The following BTBD9 variants were observed in gnomAD, a reference collection of about 807,000 sequenced individuals.
BTBD9 encodes the protein BTB domain containing 9, also known as BTB/POZ domain-containing protein 9.
A neutral mutation model predicts 64.3 loss-of-function variants in BTBD9; 49 were observed. The observed-to-expected ratio is 0.76, with a 90% CI of 0.61 to 0.97. The LOEUF (loss-of-function observed/expected upper bound fraction) is 0.97. BTBD9 is among the 50% of genes least tolerant of loss of function. BTBD9 has a pLI of 0.00. For synonymous variants in BTBD9, 260 were observed against 274.7 expected, an observed-to-expected ratio of 0.95 and a Z score of 0.53; for missense variants, 598 against 762.1, an observed-to-expected ratio of 0.78 and a Z score of 2.53.
chr6:38,315,343 C>CTTTTCTA lies in BTBD9; in HGVS notation c.1265-26889_1265-26883dup, dbSNP rs374680021. Among the ~76,000 whole-genome samples the CTTTTCTA allele has an allele frequency of 8.5e-4, 130 of 152,090 alleles. No individual in the cohort carries two copies. In the East Asian group the frequency reaches 0.018, roughly 21 times the overall value. On this transcript the variant is annotated intron_variant, in intron 7 of 10. Transcript: ENST00000481247. ...GAACTTTAGATTTGGTTTGCTCTTG[C>CTTTTCTA]TTTTCTAGTTCTTTAAGATAAATCA... is the stretch of plus-strand genomic sequence containing the variant.
intron 6 of BTBD9, among the ~76,000 whole-genome samples, chr6:38,492,662 T>C (rs571942223): frequency 1.7e-4 from 26 of 152,340 alleles, no homozygotes; most frequent in Non-Finnish European, 3.4e-4. Context: ...CTATTTTGTG[T>C]GTATGTATAA....
In BTBD9 at chr6:38,348,264, A is replaced by G. The variant is rs145360247; in HGVS notation, c.1155-3171T>C. ...AAAACAAAACTTGGTTCTCGGTCAT[A>G]ACACCAAAACGGGAGAAGTAGGTAT... On this transcript the variant is annotated intron_variant, in intron 6 of 10. Transcript: ENST00000481247. Among the ~76,000 whole-genome samples, 551 of 152,336 alleles carry G rather than the reference A, an allele frequency of 3.6e-3. 3 individuals carry two copies. Among genetic ancestry groups the G allele is most frequent in the African/African-American group, 0.012 (513 of 41,576 alleles).
At chr6:38,342,504 C>G (rs915607826) in intron 7 of BTBD9, among the ~76,000 whole-genome samples, 2 of 147,192 alleles carry the variant, frequency 1.4e-5, no homozygotes, top group African/African-American at 5.1e-5. Context: ...CCACTGCACT[C>G]CAGCCTGGAC....
chr6:38,222,088 G>A (rs547846748), intron 9 of BTBD9, among the ~76,000 whole-genome samples: 2 of 152,170 alleles, frequency 1.3e-5, no homozygotes, highest in Non-Finnish European at 1.5e-5. Context: ...ATTATTCATT[G>A]AAGTCCAGCC....
intron 6 of BTBD9, among the ~76,000 whole-genome samples, chr6:38,442,966 C>A (rs1293778565): frequency 6.6e-6 from 1 of 151,890 alleles, no homozygotes; most frequent in Non-Finnish European, 1.5e-5. Context: ...CCGCGCTTGG[C>A]CCATTTGTGC....
At chr6:38,540,181 C>T (rs1005552729) in intron 6 of BTBD9, among the ~76,000 whole-genome samples, 3 of 152,182 alleles carry the variant, frequency 2.0e-5, no homozygotes, top group Non-Finnish European at 4.4e-5. Context: ...CAGGACTTTT[C>T]TTCTTCTACC....
chr6:38,379,781 T>C (rs1419571791), intron 6 of BTBD9, among the ~76,000 whole-genome samples: 1 of 152,210 alleles, frequency 6.6e-6, no homozygotes, highest in Non-Finnish European at 1.5e-5. Context: ...TATATTTGCA[T>C]GACCACAGTG....
chr6:38,278,944 T>C (rs1022953003), intron 8 of BTBD9, among the ~76,000 whole-genome samples: 7 of 152,218 alleles, frequency 4.6e-5, no homozygotes, highest in African/African-American at 9.7e-5. Context: ...TCTGCATTTA[T>C]CTATGTAACC....
chr6:38,469,412 G>A (rs1770537409), intron 6 of BTBD9, among the ~76,000 whole-genome samples: 1 of 148,908 alleles, frequency 6.7e-6, no homozygotes, highest in Non-Finnish European at 1.5e-5. Context: ...TCCGCCTCCT[G>A]GGTTCCAGCA....
intron 6 of BTBD9, among the ~76,000 whole-genome samples, chr6:38,391,906 C>A (rs1415172125): frequency 6.6e-6 from 1 of 152,218 alleles, no homozygotes; most frequent in Non-Finnish European, 1.5e-5. Context: ...AAGAACTATT[C>A]ATCACTTGTG....
intron 10 of BTBD9, among the ~76,000 whole-genome samples, chr6:38,187,651 G>A (rs1761876991): frequency 6.6e-6 from 1 of 152,180 alleles, no homozygotes. Context: ...AAAGTGGAGT[G>A]TGCTGAGGAG....
At chr6:38,237,594 A>G (rs1357602291) in intron 9 of BTBD9, among the ~76,000 whole-genome samples, 1 of 152,228 alleles carries the variant, frequency 6.6e-6, no homozygotes, top group Non-Finnish European at 1.5e-5. Context: ...AAGCCATCTG[A>G]TAGGAGTAAA....
intron 7 of BTBD9, among the ~76,000 whole-genome samples, chr6:38,291,041 T>C (rs1431287711): frequency 6.6e-6 from 1 of 152,260 alleles, no homozygotes; most frequent in Admixed American, 6.5e-5. Context: ...AGATGTCTTC[T>C]TGTATTCCCA....
chr6:38,347,012 G>C (rs570155510), intron 6 of BTBD9, among the ~76,000 whole-genome samples: 1 of 152,098 alleles, frequency 6.6e-6, no homozygotes, highest in Non-Finnish European at 1.5e-5. Context: ...TCCCAATGGC[G>C]GTTCTTAAGG....
Position 38,602,478 on chromosome 6 carries a change from G to C in BTBD9, c.-27-4357C>G, listed in dbSNP as rs569463399. ...AGACAATCTACAAAACAATAGTATA[G>C]TGAAATATCTTGTTTAAAAAAATAC... On this transcript the variant is annotated intron_variant, in intron 1 of 10. Coordinates refer to ENST00000481247, the MANE Select transcript of BTBD9 (RefSeq NM_001099272.2). 2.0e-5 allele frequency among the ~76,000 whole-genome samples: 3 copies of C among 152,060 alleles called. No individual in the cohort carries two copies. In the South Asian group the frequency reaches 6.2e-4, roughly 32 times the overall value.
chr6:38,451,814 C>G (rs562360824), intron 6 of BTBD9, among the ~76,000 whole-genome samples: 2 of 152,170 alleles, frequency 1.3e-5, no homozygotes, highest in Admixed American at 1.3e-4. Flanking sequence ...TAATCAAAAC[C>G]AGTGGTCATT....
intron 6 of BTBD9, among the ~76,000 whole-genome samples, chr6:38,484,333 G>T (rs1771301581): frequency 6.6e-6 from 1 of 152,164 alleles, no homozygotes; most frequent in Non-Finnish European, 1.5e-5. Context: ...TGGATTAAAG[G>T]TTCAGCAGAT....
chr6:38,471,877 T>C (rs2127368547), intron 6 of BTBD9, among the ~76,000 whole-genome samples: 2 of 152,336 alleles, frequency 1.3e-5, no homozygotes, highest in Middle Eastern at 3.4e-3. Flanking sequence ...ATAAATATTT[T>C]TTGAAGGTAA....
chr6:38,380,547 A>G (rs978469887), intron 6 of BTBD9, among the ~76,000 whole-genome samples: 2 of 152,218 alleles, frequency 1.3e-5, no homozygotes, highest in Non-Finnish European at 2.9e-5. Flanking sequence ...AGAAGAGGGT[A>G]GGCTGGGTGA....
Sources: allele counts gnomAD v4.1 joint callset (sites outside exome capture counted in the v4.1 genomes callset), GRCh38; gene constraint gnomAD v4.1.1; transcripts MANE v1.5; gene names NCBI Gene and HGNC (gene_info 2026-07-23, HGNC 2026-07-21).